The following B3GALT1 variants were observed in gnomAD, a reference collection of about 807,000 sequenced individuals.
The protein encoded by B3GALT1 is beta-1,3-galactosyltransferase 1.
A neutral mutation model predicts 23.2 loss-of-function variants in B3GALT1; 10 were observed. The ratio of observed to expected loss-of-function variants is 0.43; its 90% confidence interval spans 0.27 to 0.73. The LOEUF is 0.73. Ranked by LOEUF, B3GALT1 falls within the 30% of genes least tolerant of loss-of-function variation. The pLI is 0.21. For missense variants in B3GALT1, 299 were observed against 405.4 expected, an observed-to-expected ratio of 0.74 and a Z score of 2.25; for synonymous variants, 156 against 141.5, an observed-to-expected ratio of 1.10 and a Z score of -0.73.
At chr2:167,690,904 G>T (rs2105501146) in intron 3 of B3GALT1, among the ~76,000 whole-genome samples, 1 of 152,098 alleles carries the variant, frequency 6.6e-6, no homozygotes, top group African/African-American at 2.4e-5. Context: ...GTGCGCCTTT[G>T]TTTATATAAA....
intron 3 of B3GALT1, among the ~76,000 whole-genome samples, chr2:167,762,269 T>C (rs1687908509): frequency 1.3e-5 from 2 of 152,142 alleles, no homozygotes; most frequent in Admixed American, 1.3e-4. Context: ...TTTAAAACAA[T>C]ACCAATACAT....
intron 1 of B3GALT1, among the ~76,000 whole-genome samples, chr2:167,475,134 A>T (rs1018063520): frequency 3.3e-5 from 5 of 152,152 alleles, no homozygotes; most frequent in African/African-American, 1.2e-4. Context: ...TTAAATAGTA[A>T]ATTTCGGAAA....
chr2:167,850,443 G>T (rs1462500143), intron 4 of B3GALT1, among the ~76,000 whole-genome samples: 1 of 152,216 alleles, frequency 6.6e-6, no homozygotes, highest in African/African-American at 2.4e-5. Flanking sequence ...TACACTGCTG[G>T]TGGGAATGTA....
intron 1 of B3GALT1, among the ~76,000 whole-genome samples, chr2:167,345,501 T>C (rs1055457033): frequency 6.6e-6 from 1 of 152,170 alleles, no homozygotes; most frequent in Non-Finnish European, 1.5e-5. Flanking sequence ...ACAAAATTAG[T>C]TTTTAAAATC....
intron 1 of B3GALT1, among the ~76,000 whole-genome samples, chr2:167,300,966 G>C (rs1233807228): frequency 6.6e-6 from 1 of 152,166 alleles, no homozygotes; most frequent in Admixed American, 6.5e-5. Flanking sequence ...TCTCAATATA[G>C]AAATTCCTAG....
At chr2:167,692,969 A>G (rs555177632) in intron 3 of B3GALT1, among the ~76,000 whole-genome samples, 8 of 152,000 alleles carry the variant, frequency 5.3e-5, no homozygotes, top group Non-Finnish European at 1.2e-4. Flanking sequence ...AGCCAAGGAA[A>G]TGAAGGAAGA....
At chr2:167,640,730 C>T (rs1239147444) in intron 2 of B3GALT1, among the ~76,000 whole-genome samples, 3 of 152,158 alleles carry the variant, frequency 2.0e-5, no homozygotes, top group Non-Finnish European at 4.4e-5. Context: ...CAGGAAAATT[C>T]TTGACTTCTG....
At chr2:167,434,713 C>T (rs868684534) in intron 1 of B3GALT1, among the ~76,000 whole-genome samples, 1 of 137,330 alleles carries the variant, frequency 7.3e-6, no homozygotes, top group East Asian at 2.3e-4. Flanking sequence ...ATGAATGACC[C>T]CCCCCCCTTA....
In B3GALT1 at chr2:167,871,347, T is replaced by C. The variant is rs1477716242; in HGVS notation, c.*1327T>C. 1 of 152,226 alleles carries C rather than the reference T, an allele frequency of 6.6e-6. No homozygotes were observed. The highest frequency in any genetic ancestry group is 6.5e-5 in the Admixed American group (1 of 15,292). 9.4% of individuals were successfully genotyped at this position (152,226 alleles called of 1,614,324 possible). A position where few individuals can be genotyped will look rare whatever the true frequency, so the allele number is the denominator to read the frequency against. On this transcript the variant is annotated 3_prime_UTR_variant, in exon 5 of 5. Transcript: ENST00000392690. ...ACGTAATGCAATGTATCATGTATTA[T>C]GCTAAATGCTAAAATAATTGCATAA...
intron 2 of B3GALT1, among the ~76,000 whole-genome samples, chr2:167,555,053 G>A (rs1683818652): frequency 6.6e-6 from 1 of 152,114 alleles, no homozygotes; most frequent in Admixed American, 6.5e-5. Context: ...AAATCCAAAT[G>A]TGTGTAATAG....
intron 3 of B3GALT1, among the ~76,000 whole-genome samples, chr2:167,692,836 T>G (rs77045036): frequency 0.1 from 15,511 of 152,138 alleles, 981 homozygotes; most frequent in Non-Finnish European, 0.14. Context: ...ACTGGGGCTC[T>G]GCTATTTTAA....
At chr2:167,748,740 T>C (rs1687689657) in intron 3 of B3GALT1, among the ~76,000 whole-genome samples, 1 of 152,216 alleles carries the variant, frequency 6.6e-6, no homozygotes, top group African/African-American at 2.4e-5. Flanking sequence ...CAATGAATTT[T>C]AGTGTTTGAG....
At chr2:167,593,823 G>A (rs528776958) in intron 2 of B3GALT1, among the ~76,000 whole-genome samples, 103 of 152,230 alleles carry the variant, frequency 6.8e-4, no homozygotes, top group African/African-American at 2.5e-3. Flanking sequence ...AGGAATGATG[G>A]ATTTAAAGTA....
chr2:167,734,988 G>A (rs1234958891), intron 3 of B3GALT1, among the ~76,000 whole-genome samples: 3 of 151,820 alleles, frequency 2.0e-5, no homozygotes, highest in Non-Finnish European at 4.4e-5. Context: ...TGCTTATGCT[G>A]CCATCATTTT....
intron 1 of B3GALT1, among the ~76,000 whole-genome samples, chr2:167,356,978 AT>A (rs1276135049): frequency 6.6e-6 from 1 of 151,972 alleles, no homozygotes; most frequent in African/African-American, 2.4e-5. Flanking sequence ...CATTAACCTT[AT>A]TTTTAACATG....
intron 2 of B3GALT1, among the ~76,000 whole-genome samples, chr2:167,581,111 TTTGA>T (rs1161305414): frequency 6.6e-6 from 1 of 152,180 alleles, no homozygotes; most frequent in Non-Finnish European, 1.5e-5. Context: ...GGCATTCCAA[TTTGA>T]TTGATATTAA....
chr2:167,736,748 G>T (rs901662601), intron 3 of B3GALT1, among the ~76,000 whole-genome samples: 1 of 152,082 alleles, frequency 6.6e-6, no homozygotes, highest in Admixed American at 6.6e-5. Flanking sequence ...CTAAAAAAAA[G>T]AAAGAAAAAT....
At chr2:167,554,424 A>G (rs1683807265) in intron 2 of B3GALT1, among the ~76,000 whole-genome samples, 1 of 152,208 alleles carries the variant, frequency 6.6e-6, no homozygotes, top group African/African-American at 2.4e-5. Context: ...TGGATGAACC[A>G]GCGGTAGGAT....
chr2:167,598,922 C>G (rs1049972910), intron 2 of B3GALT1, among the ~76,000 whole-genome samples: 17 of 152,158 alleles, frequency 1.1e-4, no homozygotes, highest in African/African-American at 4.1e-4. Flanking sequence ...TTACTATTTT[C>G]ATTCTATTCT....
Sources: gnomAD v4.1 joint callset for allele counts (sites outside exome capture counted in the v4.1 genomes callset) on GRCh38, gnomAD v4.1.1 for gene constraint, MANE v1.5 for transcripts, NCBI Gene and HGNC (gene_info 2026-07-23, HGNC 2026-07-21) for gene names.